Variants in SYN1 observed in about 807,000 individuals in gnomAD.
The protein encoded by SYN1 is synapsin-1.
SYN1 carries 8 observed loss-of-function variants against 44.6 expected under a neutral mutation model. The ratio of observed to expected loss-of-function variants is 0.18; its 90% CI spans 0.11 to 0.32. The LOEUF is 0.32. Among genes scored for constraint, SYN1 ranks in the 10% least tolerant of loss-of-function variants. The probability of loss-of-function intolerance (pLI) is 1.00; values close to 1 mark genes in which losing one functional copy is unlikely to be tolerated. For synonymous variants in SYN1, 275 were observed against 280.1 expected, an observed-to-expected ratio of 0.98 and a Z score of 0.18; for missense variants, 451 against 639.4, an observed-to-expected ratio of 0.71 and a Z score of 3.18.
intron 5 of SYN1, chrX:47,585,123 G>A: frequency 8.6e-7 from 1 of 1,166,992 alleles, no homozygotes; most frequent in Non-Finnish European, 1.2e-6. Context: ...TGTGATCTTG[G>A]GATGCTATAT....
intron 5 of SYN1, among the ~76,000 whole-genome samples, chrX:47,601,914 A>G (rs529748820): frequency 8.9e-6 from 1 of 112,521 alleles, no homozygotes; most frequent in South Asian, 3.6e-4. Context: ...AAATCAATTA[A>G]TGTACTACAT....
intron 5 of SYN1, among the ~76,000 whole-genome samples, chrX:47,579,849 G>GCCCCCCCCCCCCCCCCCCC (rs140381513): frequency 1.8e-4 from 15 of 83,161 alleles, no homozygotes; most frequent in Non-Finnish European, 2.3e-4. Flanking sequence ...TGTTTTTGTC[G>GCCCCCCCCCCCCCCCCCCC]CCCCCCCACC....
At chrX:47,582,723 A>T (rs2057803996) in intron 5 of SYN1, 1 of 198,689 alleles carries the variant, frequency 5.0e-6, no homozygotes, top group South Asian at 4.4e-5. Flanking sequence ...ACCCCCTAAT[A>T]TCACAAATGC....
chrX:47,609,699 T>G (rs1291837226), intron 1 of SYN1, among the ~76,000 whole-genome samples: 1 of 111,964 alleles, frequency 8.9e-6, no homozygotes, highest in Non-Finnish European at 1.9e-5. Flanking sequence ...GGGGCATAGA[T>G]AGCCTCCGAT....
chrX:47,595,173 G>A (rs1466111263), intron 5 of SYN1, among the ~76,000 whole-genome samples: 1 of 111,878 alleles, frequency 8.9e-6, no homozygotes, highest in Non-Finnish European at 1.9e-5. Context: ...GGGCATGGAA[G>A]CTCTGTGCTC....
intron 1 of SYN1, among the ~76,000 whole-genome samples, chrX:47,616,328 T>A (rs182907192): frequency 8.9e-6 from 1 of 111,806 alleles, no homozygotes; most frequent in East Asian, 2.8e-4. Flanking sequence ...AAGGGATGGA[T>A]CTTTCACTGA....
chrX:47,590,116 A>C (rs2057842960), intron 5 of SYN1: 1 of 110,914 alleles, frequency 9.0e-6, no homozygotes, highest in African/African-American at 3.3e-5. Flanking sequence ...TTACGCCATA[A>C]ATGTTCCTCA....
chrX:47,593,956 C>T (rs977791553), intron 5 of SYN1, among the ~76,000 whole-genome samples: 2 of 112,164 alleles, frequency 1.8e-5, no homozygotes, highest in Non-Finnish European at 3.8e-5. Flanking sequence ...CATTACCAGG[C>T]GTGGTGGCTC....
chrX:47,582,057 T>C (rs2057800258), intron 5 of SYN1, among the ~76,000 whole-genome samples: 1 of 112,598 alleles, frequency 8.9e-6, no homozygotes, highest in Admixed American at 9.3e-5. Flanking sequence ...CAATAAATGT[T>C]GAAGGGCTGA....
At chrX:47,591,550 G>A (rs62592125) in intron 5 of SYN1, among the ~76,000 whole-genome samples, 32,045 of 108,689 alleles carry the variant, frequency 0.29, 3,623 homozygotes, top group East Asian at 0.41. Flanking sequence ...GTGAAACCCC[G>A]TCTCTACTAC....
At position 47,584,844 on chromosome X, in the gene SYN1, C is replaced by T. The variant is rs553053209; in HGVS notation, c.775-7343G>A. On this transcript the variant is annotated intron_variant, in intron 5 of 12. Coordinates refer to ENST00000295987, the MANE Select transcript of SYN1 (RefSeq NM_006950.3). Reference sequence around the variant, plus strand: ...ATCCAATAACCCCTATTTATGTATGCGCTTTGCTGGTATGATGATGATGAT... The same window carrying T: ...ATCCAATAACCCCTATTTATGTATGTGCTTTGCTGGTATGATGATGATGAT... 1.3e-4 allele frequency: 103 copies of T among 775,733 alleles called. 1 individual carries two copies. The South Asian group carries it at 1.6e-3, about 12-fold the overall frequency. 63.9% of individuals were successfully genotyped at this position (775,733 alleles called of 1,213,427 possible).
intron 9 of SYN1, 23 bp downstream of exon 9, chrX:47,576,108 C>T (rs971529115): frequency 2.0e-5 from 24 of 1,176,744 alleles, no homozygotes; most frequent in Non-Finnish European, 2.6e-5. Context: ...CCCTCTACCC[C>T]ACCTACCCCT....
At chrX:47,613,724 G>C (rs2057923393) in intron 1 of SYN1, among the ~76,000 whole-genome samples, 1 of 111,396 alleles carries the variant, frequency 9.0e-6, no homozygotes, top group African/African-American at 3.3e-5. Flanking sequence ...GGAATTAACT[G>C]ATGGTATTAC....
chrX:47,597,975 G>A (rs1186576159), intron 5 of SYN1, among the ~76,000 whole-genome samples: 1 of 112,213 alleles, frequency 8.9e-6, no homozygotes, highest in African/African-American at 3.2e-5. Context: ...GACATTCACA[G>A]ATAAACAAAA....
chrX:47,606,137 C>T (rs1388980246), intron 3 of SYN1, among the ~76,000 whole-genome samples: 1 of 111,004 alleles, frequency 9.0e-6, no homozygotes, highest in African/African-American at 3.3e-5. Context: ...AAGCAATCCA[C>T]CCACCTTGGC....
At chrX:47,603,146 T>C (rs1367076938) in intron 5 of SYN1, among the ~76,000 whole-genome samples, 1 of 111,932 alleles carries the variant, frequency 8.9e-6, no homozygotes, top group Non-Finnish European at 1.9e-5. Flanking sequence ...GTAATAGTTA[T>C]ATCTGTAAAA....
Position 47,589,595 on chromosome X carries a change from CAA to C in SYN1, c.775-12096_775-12095del, listed in dbSNP as rs779225789. On this transcript the variant is annotated intron_variant, in intron 5 of 12. Transcript: ENST00000295987. ...TGGGCAACAGAGCCAGACTCCGTCT[CAA>C]AAAAAAAAAAAAAAAAAAAGCAGGA... Among the ~76,000 whole-genome samples, 61 of 29,910 alleles carry C rather than the reference CAA, an allele frequency of 2.0e-3. 1 individual carries two copies. The highest frequency in any genetic ancestry group is 6.4e-3 in the African/African-American group (52 of 8,163). The allele number at this position is 29,910 out of a possible 115,157, so 26.0% of individuals were successfully genotyped here.
chrX:47,587,183 A>C (rs1244193645), intron 5 of SYN1, among the ~76,000 whole-genome samples: 1 of 112,767 alleles, frequency 8.9e-6, no homozygotes, highest in Non-Finnish European at 1.9e-5. Flanking sequence ...TGCCCTACCA[A>C]TTGGCAAATG....
intron 5 of SYN1, chrX:47,586,758 C>T (rs949790339): frequency 7.9e-6 from 9 of 1,137,870 alleles, no homozygotes; most frequent in Admixed American, 4.7e-5. Flanking sequence ...ATCTTTCTTC[C>T]GGACAATGAA....
Sources: allele counts gnomAD v4.1 joint callset (sites outside exome capture counted in the v4.1 genomes callset), GRCh38; gene constraint gnomAD v4.1.1; transcripts MANE v1.5; gene names NCBI Gene and HGNC (gene_info 2026-07-23, HGNC 2026-07-21).